The following SMYD3 variants were observed in gnomAD, a reference collection of about 807,000 sequenced individuals.
SMYD3 encodes the protein histone-lysine N-methyltransferase SMYD3.
A neutral mutation model predicts 57.7 loss-of-function variants in SMYD3; 36 were observed. The observed-to-expected ratio is 0.62, with a 90% CI of 0.48 to 0.82. SMYD3 has a LOEUF of 0.82. Ranked by LOEUF, SMYD3 falls within the 40% of genes least tolerant of loss-of-function variation. The pLI is 0.00. For synonymous variants in SMYD3, 211 were observed against 195.0 expected (o/e 1.08, Z -0.68); for missense variants, 515 against 538.8 (o/e 0.96, Z 0.44).
At chr1:245,935,826 T>G (rs1007889525) in intron 5 of SMYD3, among the ~76,000 whole-genome samples, 16 of 152,104 alleles carry the variant, frequency 1.1e-4, no homozygotes, top group African/African-American at 3.9e-4. Flanking sequence ...TGTGGAATAT[T>G]AAAAAGTCAA....
At chr1:246,475,414 A>T (rs1196745001) in intron 1 of SMYD3, among the ~76,000 whole-genome samples, 2 of 151,628 alleles carry the variant, frequency 1.3e-5, no homozygotes, top group Non-Finnish European at 2.9e-5. Context: ...AGGCTGAGGT[A>T]GGTGGATCAT....
At chr1:246,175,299 A>T (rs529515557) in intron 5 of SMYD3, among the ~76,000 whole-genome samples, 12 of 152,348 alleles carry the variant, frequency 7.9e-5, no homozygotes, top group African/African-American at 2.9e-4. Context: ...ATACCTTATT[A>T]TAATAAACTT....
intron 1 of SMYD3, among the ~76,000 whole-genome samples, chr1:246,474,125 T>C (rs528622573): frequency 1.3e-5 from 2 of 152,256 alleles, no homozygotes; most frequent in Non-Finnish European, 2.9e-5. Context: ...AATGTTCTAA[T>C]TCTACATCGG....
At chr1:246,224,807 GA>G (rs938745181) in intron 5 of SMYD3, among the ~76,000 whole-genome samples, 17 of 151,544 alleles carry the variant, frequency 1.1e-4, no homozygotes, top group African/African-American at 3.9e-4. Context: ...GTAAGTGACA[GA>G]AAAAAAATTA....
intron 5 of SMYD3, among the ~76,000 whole-genome samples, chr1:246,185,622 C>T (rs562358711): frequency 1.1e-4 from 16 of 152,080 alleles, no homozygotes; most frequent in Admixed American, 3.3e-4. Context: ...CCACCACGCC[C>T]GGCTAATTTT....
intron 5 of SMYD3, among the ~76,000 whole-genome samples, chr1:246,221,906 G>A (rs536896614): frequency 7.9e-5 from 12 of 152,226 alleles, no homozygotes; most frequent in Non-Finnish European, 1.0e-4. Flanking sequence ...ACATGTTTCC[G>A]GCCAGAAAAG....
At chr1:246,379,115 T>TAC (rs2066346269) in intron 1 of SMYD3, among the ~76,000 whole-genome samples, 1 of 105,342 alleles carries the variant, frequency 9.5e-6, no homozygotes, top group Non-Finnish European at 2.0e-5. Flanking sequence ...CACACACACA[T>TAC]ATATTCCATT....
intron 5 of SMYD3, among the ~76,000 whole-genome samples, chr1:246,219,626 C>T (rs574272742): frequency 3.9e-4 from 59 of 152,122 alleles, no homozygotes; most frequent in Non-Finnish European, 7.3e-4. Flanking sequence ...CTGCCTCATG[C>T]GAAAAGGCAG....
At chr1:245,920,550 G>A (rs572666262) in intron 7 of SMYD3, among the ~76,000 whole-genome samples, 1 of 152,134 alleles carries the variant, frequency 6.6e-6, no homozygotes, top group South Asian at 2.1e-4. Flanking sequence ...TAATATTATA[G>A]TCTTCAGGTA....
intron 5 of SMYD3, among the ~76,000 whole-genome samples, chr1:246,253,157 C>T (rs538045330): frequency 1.7e-3 from 262 of 151,976 alleles, no homozygotes; most frequent in Non-Finnish European, 3.2e-3. Context: ...GGGGTACATG[C>T]GCAGGTTTGT....
intron 1 of SMYD3, among the ~76,000 whole-genome samples, chr1:246,375,568 G>A (rs983174458): frequency 4.6e-5 from 7 of 152,056 alleles, no homozygotes; most frequent in Non-Finnish European, 7.4e-5. Flanking sequence ...AGAACACAGC[G>A]AAGATGTTCT....
chr1:246,199,947 GAAGA>G (rs2062884631), intron 5 of SMYD3, among the ~76,000 whole-genome samples: 1 of 152,022 alleles, frequency 6.6e-6, no homozygotes, highest in African/African-American at 2.4e-5. Flanking sequence ...CTGTAATAGA[GAAGA>G]TAGAGGAGAA....
chr1:246,234,620 G>GAATATATACC (rs1558336784), intron 5 of SMYD3, among the ~76,000 whole-genome samples: 2 of 152,198 alleles, frequency 1.3e-5, no homozygotes, highest in South Asian at 2.1e-4. Flanking sequence ...ACACTGTGAT[G>GAATATATACC]GCTATTGGCC....
chr1:245,951,999 A>G (rs2057669751), intron 5 of SMYD3, among the ~76,000 whole-genome samples: 1 of 152,210 alleles, frequency 6.6e-6, no homozygotes, highest in African/African-American at 2.4e-5. Context: ...TGCATATGTG[A>G]GGTTTCCAAC....
chr1:246,180,745 G>A, intron 5 of SMYD3, among the ~76,000 whole-genome samples: 1 of 113,886 alleles, frequency 8.8e-6, no homozygotes, highest in African/African-American at 3.3e-5. Context: ...GGGCAACAGA[G>A]CAAGACTCTG....
intron 2 of SMYD3, among the ~76,000 whole-genome samples, chr1:246,352,732 AC>A (rs1345140456): frequency 1.3e-5 from 2 of 152,124 alleles, no homozygotes; most frequent in Non-Finnish European, 2.9e-5. Context: ...ATACCCACCC[AC>A]CAAACTCCTG....
chr1:246,233,814 C>T (rs2063466381), intron 5 of SMYD3, among the ~76,000 whole-genome samples: 1 of 131,532 alleles, frequency 7.6e-6, no homozygotes, highest in South Asian at 3.2e-4. Flanking sequence ...ATATACCACA[C>T]AGAGGAGAAG....
intron 2 of SMYD3, among the ~76,000 whole-genome samples, chr1:246,338,502 A>C (rs1026381700): frequency 2.6e-5 from 4 of 152,220 alleles, no homozygotes; most frequent in Admixed American, 1.3e-4. Flanking sequence ...GGATATAATT[A>C]AGATTTTGCT....
At chr1:245,825,163 A>G (rs2049412996) in intron 10 of SMYD3, among the ~76,000 whole-genome samples, 1 of 152,174 alleles carries the variant, frequency 6.6e-6, no homozygotes, top group African/African-American at 2.4e-5. Context: ...GCCTTAAGAC[A>G]GACATTAAAG....
Sources: gnomAD v4.1 joint callset for allele counts (sites outside exome capture counted in the v4.1 genomes callset) on GRCh38, gnomAD v4.1.1 for gene constraint, MANE v1.5 for transcripts, NCBI Gene and HGNC (gene_info 2026-07-23, HGNC 2026-07-21) for gene names.